Variants in GPBP1 observed in about 807,000 individuals in gnomAD.
The protein encoded by GPBP1 is vasculin.
GPBP1 carries 13 observed loss-of-function variants against 56.5 expected under a neutral mutation model. That is an observed-to-expected ratio of 0.23 (90% CI 0.15 to 0.37). GPBP1 has a LOEUF of 0.37. Ranked by LOEUF, GPBP1 falls within the 10% of genes least tolerant of loss-of-function variation. GPBP1 has a pLI of 1.00. For synonymous variants in GPBP1, 204 were observed against 188.9 expected, an observed-to-expected ratio of 1.08 and a Z score of -0.66; for missense variants, 477 against 572.3, an observed-to-expected ratio of 0.83 and a Z score of 1.70.
chr5:57,175,199 C>T (rs951797682), intron 1 of GPBP1, among the ~76,000 whole-genome samples: 3 of 152,170 alleles, frequency 2.0e-5, no homozygotes, highest in Non-Finnish European at 4.4e-5. Flanking sequence ...GCACCCCTTC[C>T]CAGGTGAAAT....
At chr5:57,197,975 T>TA (rs1323916507) in intron 2 of GPBP1, among the ~76,000 whole-genome samples, 1 of 152,128 alleles carries the variant, frequency 6.6e-6, no homozygotes, top group Non-Finnish European at 1.5e-5. Context: ...AAAAGCCAAA[T>TA]ATCTTTTGGT....
intron 6 of GPBP1, among the ~76,000 whole-genome samples, chr5:57,236,669 C>T (rs1260142231): frequency 2.0e-5 from 3 of 151,850 alleles, no homozygotes; most frequent in African/African-American, 7.3e-5. Context: ...AAACTGAACT[C>T]ATATAGTACA....
At chr5:57,225,033 C>G (rs1179814917) in intron 3 of GPBP1, among the ~76,000 whole-genome samples, 2 of 152,054 alleles carry the variant, frequency 1.3e-5, no homozygotes, top group Non-Finnish European at 2.9e-5. Flanking sequence ...GATGAAAAGT[C>G]TAGGTTCAAG....
intron 2 of GPBP1, among the ~76,000 whole-genome samples, chr5:57,183,010 A>T (rs369299957): frequency 5.3e-5 from 8 of 152,234 alleles, no homozygotes; most frequent in African/African-American, 1.9e-4. Context: ...CAGTTTTCAA[A>T]TTATATTTTA....
At position 57,176,157 on chromosome 5, in the gene GPBP1, T is replaced by C; in HGVS notation, c.-301T>C. The C allele has an allele frequency of 2.5e-6, 1 of 395,900 alleles. No homozygotes were observed. Among genetic ancestry groups the C allele is most frequent in the Non-Finnish European group, 4.4e-6 (1 of 224,836 alleles). 24.5% of individuals were successfully genotyped at this position (395,900 alleles called of 1,614,324 possible). A position where few individuals can be genotyped will look rare whatever the true frequency, so the allele number is the denominator to read the frequency against. Reference sequence around the variant, plus strand: ...GTACAACAGTGGCAAGTACATGGAATAATAAAGAAGACTTTGATCTTAAAT... The same window carrying C: ...GTACAACAGTGGCAAGTACATGGAACAATAAAGAAGACTTTGATCTTAAAT... On this transcript the variant is annotated 5_prime_UTR_variant, in exon 2 of 12. It removes the in-frame stop codon of an upstream open reading frame in the 5' UTR. Coordinates refer to ENST00000506184, the MANE Select transcript of GPBP1 (RefSeq NM_022913.4).
chr5:57,240,651 G>A (rs1740782723), intron 6 of GPBP1, among the ~76,000 whole-genome samples: 1 of 152,142 alleles, frequency 6.6e-6, no homozygotes, highest in South Asian at 2.1e-4. Flanking sequence ...TCTGTGAGGT[G>A]AGGATGACCA....
In GPBP1 at chr5:57,228,778, T is replaced by C. The variant is rs1455592658; in HGVS notation, c.64-2068T>C. 4.6e-5 allele frequency among the ~76,000 whole-genome samples: 7 copies of C among 150,736 alleles called. No individual in the cohort carries two copies. In the East Asian group the frequency reaches 1.2e-3, roughly 25 times the overall value. On this transcript the variant is annotated intron_variant, in intron 3 of 11. Coordinates refer to ENST00000506184, the MANE Select transcript of GPBP1 (RefSeq NM_022913.4). ...TTTAAAATGCTATAAGGTGCTAGGA[T>C]AAATCTATTGAAATACATGCAAGAC...
chr5:57,234,155 G>A (rs867632393), intron 5 of GPBP1, among the ~76,000 whole-genome samples: 2 of 152,102 alleles, frequency 1.3e-5, no homozygotes, highest in Non-Finnish European at 1.5e-5. Flanking sequence ...TACAATGTTA[G>A]TAATCATTTT....
chr5:57,260,138 C>T (rs1357381920), intron 10 of GPBP1, among the ~76,000 whole-genome samples: 15 of 152,294 alleles, frequency 9.8e-5, no homozygotes, highest in Admixed American at 8.5e-4. Context: ...TTTAATTTTT[C>T]ATTCAGAATC....
intron 6 of GPBP1, among the ~76,000 whole-genome samples, chr5:57,244,369 A>G (rs929721505): frequency 2.0e-5 from 3 of 152,236 alleles, no homozygotes; most frequent in Non-Finnish European, 4.4e-5. Context: ...TTTTAATATA[A>G]GAATCTAGAA....
In GPBP1 at chr5:57,176,321, T is replaced by TA. The variant is rs199733448; in HGVS notation, c.-136dup. Reference sequence around the variant, plus strand: ...AGAACTTCGATATTATTTCAGAGGATACAAAATAAAAATACAAACTGGAAA... The same window carrying TA: ...AGAACTTCGATATTATTTCAGAGGATAACAAAATAAAAATACAAACTGGAAA... On this transcript the variant is annotated 5_prime_UTR_variant, in exon 2 of 12. It introduces an in-frame stop codon into an upstream open reading frame of the 5' UTR. Transcript: ENST00000506184. 7.0e-3 allele frequency: 1,915 copies of TA among 272,848 alleles called. 13 individuals carry two copies. The highest frequency in any genetic ancestry group is 8.1e-3 in the Non-Finnish European group (1,204 of 147,922). The allele number at this position is 272,848 out of a possible 1,614,324, so 16.9% of individuals were successfully genotyped here.
At chr5:57,261,355 A>T in intron 11 of GPBP1, 73 bp downstream of exon 11, 1 of 829,664 alleles carries the variant, frequency 1.2e-6, no homozygotes, top group Admixed American at 2.0e-5. Flanking sequence ...ATATGTAAGC[A>T]TGGAGTGGGG....
intron 9 of GPBP1, 128 bp from the exon 10 acceptor site, chr5:57,250,826 T>G: frequency 1.6e-6 from 1 of 630,970 alleles, no homozygotes; most frequent in Non-Finnish European, 2.6e-6. Flanking sequence ...ATTACAGGGG[T>G]GAGCCACTGC....
chr5:57,235,124 TG>T (rs1417046731), intron 5 of GPBP1, among the ~76,000 whole-genome samples: 1 of 152,108 alleles, frequency 6.6e-6, no homozygotes, highest in East Asian at 1.9e-4. Flanking sequence ...CTGGCCAACA[TG>T]GTGAAACTCC....
chr5:57,227,590 A>G (rs1210785255), intron 3 of GPBP1, among the ~76,000 whole-genome samples: 1 of 152,246 alleles, frequency 6.6e-6, no homozygotes, highest in African/African-American at 2.4e-5. Flanking sequence ...ACATTGAGGG[A>G]CAAAGACCAA....
rs1011232962 is a variant in GPBP1 at position 57,230,788 on chromosome 5, A to G, written c.64-58A>G. 9.9e-6 allele frequency: 14 copies of G among 1,418,258 alleles called. No homozygotes were observed. The African/African-American group carries it at 1.7e-4, about 18-fold the overall frequency. 87.9% of individuals were successfully genotyped at this position (1,418,258 alleles called of 1,614,324 possible). A position where few individuals can be genotyped will look rare whatever the true frequency, so the allele number is the denominator to read the frequency against. ...AAATAAGTGAAGTTGGAGTATTACT[A>G]GTTTTTAAAGTTATATTTAGGTTTC... On this transcript the variant is annotated intron_variant, in intron 3 of 11. Coordinates refer to ENST00000506184, the MANE Select transcript of GPBP1 (RefSeq NM_022913.4).
intron 6 of GPBP1, among the ~76,000 whole-genome samples, chr5:57,243,952 G>A (rs988786161): frequency 6.6e-6 from 1 of 151,998 alleles, no homozygotes; most frequent in African/African-American, 2.4e-5. Context: ...GTCTCCCAAA[G>A]TGCTGGGATT....
intron 2 of GPBP1, among the ~76,000 whole-genome samples, chr5:57,212,198 G>A (rs1219331826): frequency 2.0e-5 from 3 of 152,074 alleles, no homozygotes; most frequent in Admixed American, 6.6e-5. Context: ...AAAGTGTTGG[G>A]ATTATACATG....
At chr5:57,186,006 T>G (rs957218406) in intron 2 of GPBP1, among the ~76,000 whole-genome samples, 6 of 152,170 alleles carry the variant, frequency 3.9e-5, no homozygotes, top group African/African-American at 1.2e-4. Flanking sequence ...GTGAGAATTC[T>G]TCATGTATTT....
Sources: gnomAD v4.1 joint callset for allele counts (sites outside exome capture counted in the v4.1 genomes callset) on GRCh38, gnomAD v4.1.1 for gene constraint, MANE v1.5 for transcripts, NCBI Gene and HGNC (gene_info 2026-07-23, HGNC 2026-07-21) for gene names.